Variants in ATRIP observed in about 807,000 individuals in gnomAD.
ATRIP encodes the protein ATR-interacting protein.
A neutral mutation model predicts 78.1 loss-of-function variants in ATRIP; 44 were observed. The ratio of observed to expected loss-of-function variants is 0.56; its 90% CI spans 0.44 to 0.72. The LOEUF (loss-of-function observed/expected upper bound fraction) is 0.72, where lower values mean the gene tolerates loss of function less well. ATRIP is among the 30% of genes least tolerant of loss of function. ATRIP has a pLI of 0.00. For missense variants in ATRIP, 927 were observed against 980.2 expected, an observed-to-expected ratio of 0.95 and a Z score of 0.72; for synonymous variants, 388 against 408.9, an observed-to-expected ratio of 0.95 and a Z score of 0.62.
intron 5 of ATRIP, among the ~76,000 whole-genome samples, chr3:48,458,703 A>G (rs1295870486): frequency 6.6e-6 from 1 of 152,202 alleles, no homozygotes; most frequent in Non-Finnish European, 1.5e-5. Flanking sequence ...AGAGAGAGAC[A>G]ATCTAACATC....
In ATRIP at chr3:48,459,386, A is replaced by C; in HGVS notation, c.857A>C (p.Asp286Ala). 1 of 1,613,926 alleles carries C rather than the reference A, an allele frequency of 6.2e-7. No individual in the cohort carries two copies. The highest frequency in any genetic ancestry group is 8.5e-7 in the Non-Finnish European group (1 of 1,179,980). ...AGTAAGCCCCACAGTCTGAGAGGTG[A>C]CTCCATAAAACAAGAAGAGGCCCAG... ...EDSKPHSLRG[D>A]SIKQEEAQKS... The change falls in exon 6 of 13, where the codon GAC becomes GCC. Residue 286 changes from aspartate to alanine, a missense_variant. Asp to Ala is a moderately radical substitution (Grantham distance 126). Transcript: ENST00000320211.
Position 48,459,436 on chromosome 3 carries a change from C to G in ATRIP, c.907C>G (p.Gln303Glu). ...AQKSFVDSWRQRSNTQGSILI... is the reference protein window; with the variant it reads ...AQKSFVDSWRERSNTQGSILI... ...GAAAAGCTTTGTTGACAGCTGGAGA[C>G]AGAGATCAAACACTCAAGGTACCAG... Residue 303 changes from glutamine to glutamate, a missense_variant, in exon 6 of 13, where the codon CAG becomes GAG. Physicochemically the swap from Gln to Glu is conservative, Grantham distance 29 (BLOSUM62 2). Transcript: ENST00000320211. 2 of 1,613,962 alleles carry G rather than the reference C, an allele frequency of 1.2e-6. No homozygotes were observed. The highest frequency in any genetic ancestry group is 1.7e-6 in the Non-Finnish European group (2 of 1,179,934).
chr3:48,451,154 A>C (rs1448497735), intron 2 of ATRIP, among the ~76,000 whole-genome samples: 1 of 150,350 alleles, frequency 6.7e-6, no homozygotes, highest in Non-Finnish European at 1.5e-5. Flanking sequence ...GTGCCATTGC[A>C]CTCCAGCCTA....
Position 48,460,558 on chromosome 3 carries a change from G to A in ATRIP, c.1504G>A (p.Ala502Thr), listed in dbSNP as rs2040076298. The part of the protein sequence containing the change: ...VVSLLLSGVG[A>T]DSAAGEGNRS... ...CTCCCTATTACTGTCAGGAGTGGGGGCAGATTCTGCTGCTGGGGAAGGAAA... is the reference window on the plus strand; with the variant it reads ...CTCCCTATTACTGTCAGGAGTGGGGACAGATTCTGCTGCTGGGGAAGGAAA... The change falls in exon 8 of 13, where the codon GCA (alanine) becomes ACA (threonine). Residue 502 changes from alanine to threonine, a missense_variant. Transcript: ENST00000320211. 1.9e-6 allele frequency: 3 copies of A among 1,614,084 alleles called. No individual in the cohort carries two copies. The highest frequency in any genetic ancestry group is 2.5e-6 in the Non-Finnish European group (3 of 1,180,032).
chr3:48,460,884 A>C, intron 8 of ATRIP, 85 bp downstream of exon 8: 1 of 1,311,880 alleles, frequency 7.6e-7, no homozygotes, highest in South Asian at 1.5e-5. Context: ...TACTTTGCTC[A>C]CATCTTGACT....
chr3:48,467,536 T>G lies in ATRIP; in HGVS notation c.*1982T>G. 6.2e-7 allele frequency: 1 copy of G among 1,613,886 alleles called. No homozygotes were observed. Among genetic ancestry groups the G allele is most frequent in the Non-Finnish European group, 8.5e-7 (1 of 1,179,954 alleles). ...GGGCTGCTGGCCCCACTGGGTCTGC[T>G]GGCCATCCTGACCTTGGCAGTAGCC... On this transcript the variant is annotated 3_prime_UTR_variant, in exon 13 of 13. Transcript: ENST00000320211.
chr3:48,459,186 T>A (rs2040031984), intron 5 of ATRIP, among the ~76,000 whole-genome samples, 173 bp from the exon 6 acceptor site: 1 of 152,250 alleles, frequency 6.6e-6, no homozygotes, highest in Admixed American at 6.5e-5. Flanking sequence ...TATGAGTTCC[T>A]GTTTTACATA....
In ATRIP at chr3:48,465,473, C is replaced by A; in HGVS notation, c.2309-14C>A. On this transcript the variant is annotated splice_polypyrimidine_tract_variant and intron_variant, in intron 12 of 12. Transcript: ENST00000320211. ...CTTTGGGCCCTCACCAGGAACCTCT[C>A]CTTTTTGTCTCAGAGGCAGCCCTGG... The A allele has an allele frequency of 1.2e-6, 2 of 1,613,272 alleles. No homozygotes were observed. Among genetic ancestry groups the A allele is most frequent in the African/African-American group, 1.3e-5 (1 of 75,024 alleles).
intron 5 of ATRIP, among the ~76,000 whole-genome samples, chr3:48,458,201 C>G (rs1485480454): frequency 6.6e-6 from 1 of 151,700 alleles, no homozygotes; most frequent in Non-Finnish European, 1.5e-5. Flanking sequence ...CCTCAGACTC[C>G]CGAATAGCTG....
intron 3 of ATRIP, among the ~76,000 whole-genome samples, chr3:48,453,544 C>A (rs773506866): frequency 1.3e-5 from 2 of 152,222 alleles, no homozygotes; most frequent in Admixed American, 1.3e-4. Flanking sequence ...GGGAGACTCA[C>A]ACATTCTTGC....
chr3:48,460,521 C>T lies in ATRIP; in HGVS notation c.1467C>T (p.Ser489=), dbSNP rs111344961. ...LSILQHLVCH[S]GAVVSLLLSG... ...TTCTTCAGCACCTGGTGTGCCACAG[C>T]GGAGCAGTCGTCTCCCTATTACTGT... The change falls in exon 8 of 13, where the codon AGC becomes AGT. Residue 489 remains serine (S), a synonymous_variant. Coordinates refer to ENST00000320211, the MANE Select transcript of ATRIP (RefSeq NM_130384.3). 1,198 of 1,613,582 alleles carry T rather than the reference C, an allele frequency of 7.4e-4. 5 individuals carry two copies. In the African/African-American group the frequency reaches 0.011, roughly 14 times the overall value.
At chr3:48,452,013 T>C (rs1236223866) in intron 3 of ATRIP, 114 bp downstream of exon 3, 1 of 1,034,310 alleles carries the variant, frequency 9.7e-7, no homozygotes, top group East Asian at 2.6e-5. Flanking sequence ...TTAAATACTT[T>C]CTGCTATCAT....
chr3:48,467,100 G>A lies in ATRIP; in HGVS notation c.*1546G>A. ...GCTGGGCCTCACCAGTGCTCTGGAT[G>A]GTGCCTTCTGTGTGGATAGCATCAC... is the stretch of plus-strand genomic sequence containing the variant. On this transcript the variant is annotated 3_prime_UTR_variant, in exon 13 of 13. Coordinates refer to ENST00000320211, the MANE Select transcript of ATRIP (RefSeq NM_130384.3). 6.2e-7 allele frequency: 1 copy of A among 1,613,968 alleles called. No homozygotes were observed. The highest frequency in any genetic ancestry group is 8.5e-7 in the Non-Finnish European group (1 of 1,180,026).
chr3:48,460,241 G>A lies in ATRIP; in HGVS notation c.1187G>A (p.Arg396His), dbSNP rs752417126. The change falls in exon 8 of 13, where the codon CGT becomes CAT. Residue 396 changes from arginine (R) to histidine (H), a missense_variant. By Grantham distance (29) the Arg-to-His change is conservative (BLOSUM62 0). Coordinates refer to ENST00000320211, the MANE Select transcript of ATRIP (RefSeq NM_130384.3). ...LNLVARNECS[R>H]DGDPAEGGRR... ...CTGGTTGCCCGGAATGAGTGCTCAC[G>A]TGATGGAGACCCAGCAGAGGGAGGC... The A allele has an allele frequency of 2.7e-5, 43 of 1,614,044 alleles. No individual in the cohort carries two copies. Among genetic ancestry groups the A allele is most frequent in the East Asian group, 8.9e-5 (4 of 44,902 alleles).
chr3:48,466,256 G>A lies in ATRIP; in HGVS notation c.*702G>A. 1.6e-6 allele frequency: 1 copy of A among 610,792 alleles called. No individual in the cohort carries two copies. The highest frequency in any genetic ancestry group is 1.9e-5 in the South Asian group (1 of 51,734). The allele number at this position is 610,792 out of a possible 1,614,324, so 37.8% of individuals were successfully genotyped here. A position where few individuals can be genotyped will look rare whatever the true frequency, so the allele number is the denominator to read the frequency against. On this transcript the variant is annotated 3_prime_UTR_variant, in exon 13 of 13. Transcript: ENST00000320211. ...CTTCCCGCCACTGCTGCCAGCGAGA[G>A]CCGCGGGAGAGTGTGCAGCCGAGTC...
At chr3:48,459,735 C>T in intron 6 of ATRIP, 52 bp from the exon 7 acceptor site, 20 of 1,592,444 alleles carry the variant, frequency 1.3e-5, no homozygotes, top group Non-Finnish European at 1.6e-5. Flanking sequence ...CTGAAAGCCA[C>T]CGAAAAGATC....
intron 6 of ATRIP, 164 bp from the exon 7 acceptor site, chr3:48,459,623 G>A (rs1310076030): frequency 3.5e-6 from 4 of 1,136,232 alleles, no homozygotes; most frequent in African/African-American, 3.1e-5. Flanking sequence ...AAGGGCCAAG[G>A]GCAGGTATGT....
rs145531701 is a variant in ATRIP, at chr3:48,448,619, T to C, written c.248-1418T>C. On this transcript the variant is annotated intron_variant, in intron 1 of 12. Coordinates refer to ENST00000320211, the MANE Select transcript of ATRIP (RefSeq NM_130384.3). ...TGGGTCCTGGCTGCACTAACATTCT[T>C]TGAATTCTCTCTGCTTCTTTACAAT... Among the ~76,000 whole-genome samples, 35 of 152,396 alleles carry C rather than the reference T, an allele frequency of 2.3e-4. 1 individual carries two copies. In the East Asian group the frequency reaches 6.4e-3, roughly 28 times the overall value.
At position 48,450,126 on chromosome 3, in the gene ATRIP, G is replaced by A. The variant is rs149518027; in HGVS notation, c.337G>A (p.Glu113Lys). The change falls in exon 2 of 13, where the codon GAA becomes AAA. Residue 113 changes from glutamate to lysine, a missense_variant. Glu to Lys is a moderately conservative substitution (Grantham distance 56, BLOSUM62 1). Coordinates refer to ENST00000320211, the MANE Select transcript of ATRIP (RefSeq NM_130384.3). ...RETVPIKDNFELEVLQAQYKE... is the reference protein window; with the variant it reads ...RETVPIKDNFKLEVLQAQYKE... ...AACTGTTCCAATTAAAGATAATTTC[G>A]AATTAGAGGTACTTCAGGCACAATA... The A allele has an allele frequency of 8.1e-5, 131 of 1,612,826 alleles. No individual in the cohort carries two copies. Among genetic ancestry groups the A allele is most frequent in the Non-Finnish European group, 1.0e-4 (122 of 1,179,630 alleles).
Sources: gnomAD v4.1 joint callset for allele counts (sites outside exome capture counted in the v4.1 genomes callset) on GRCh38, gnomAD v4.1.1 for gene constraint, MANE v1.5 for transcripts, NCBI Gene and HGNC (gene_info 2026-07-23, HGNC 2026-07-21) for gene names.